The following TENM3 variants were observed in gnomAD, a reference collection of about 807,000 sequenced individuals.
TENM3 encodes the protein teneurin-3.
In TENM3, 63 loss-of-function variants were observed where a neutral mutation model predicts 255.1. That is an observed-to-expected ratio of 0.25 (90% CI 0.20 to 0.30). The LOEUF (loss-of-function observed/expected upper bound fraction) is 0.30, where lower values mean the gene tolerates loss of function less well. TENM3 is among the 10% of genes least tolerant of loss of function. TENM3 has a pLI of 1.00. For missense variants in TENM3, 2,929 were observed against 3,461.1 expected (o/e 0.85, Z 3.86); for synonymous variants, 1,306 against 1,322.3 (o/e 0.99, Z 0.27).
chr4:181,529,969 A>T, the TENM3 span, among the ~76,000 whole-genome samples: 1 of 152,212 alleles, frequency 6.6e-6, no homozygotes, highest in African/African-American at 2.4e-5. Context: ...AAGAGAAACT[A>T]AGTAAGAATA....
intron 3 of TENM3, among the ~76,000 whole-genome samples, chr4:182,587,251 C>T (rs1251775063): frequency 1.3e-5 from 2 of 152,010 alleles, no homozygotes; most frequent in East Asian, 3.9e-4. Context: ...CACATACCAC[C>T]ATGGCCCCAT....
At chr4:182,570,001 A>AT (rs1744199032) in intron 3 of TENM3, among the ~76,000 whole-genome samples, 1 of 152,194 alleles carries the variant, frequency 6.6e-6, no homozygotes. Context: ...GCTTCTTTTG[A>AT]TTTTAGTTTG....
At chr4:182,722,155 A>T (rs1479889850) in intron 13 of TENM3, among the ~76,000 whole-genome samples, 1 of 152,182 alleles carries the variant, frequency 6.6e-6, no homozygotes, top group Non-Finnish European at 1.5e-5. Context: ...ACAGGATTTC[A>T]TATAATTTCT....
At chr4:181,580,159 G>A in the TENM3 span, among the ~76,000 whole-genome samples, 2 of 151,800 alleles carry the variant, frequency 1.3e-5, no homozygotes, top group African/African-American at 2.4e-5. Context: ...CACCATGCCT[G>A]GCTAATTTTT....
At chr4:182,378,835 C>T (rs1465762318) in intron 3 of TENM3, among the ~76,000 whole-genome samples, 1 of 152,154 alleles carries the variant, frequency 6.6e-6, no homozygotes, top group African/African-American at 2.4e-5. Context: ...CATGATCCAA[C>T]TTGCCTAAGA....
chr4:182,705,963 A>G (rs1285300280), intron 12 of TENM3, among the ~76,000 whole-genome samples: 3 of 152,212 alleles, frequency 2.0e-5, no homozygotes, highest in African/African-American at 7.2e-5. Flanking sequence ...AGTTTATATA[A>G]GGTACTGTCA....
chr4:182,100,464 T>C, the TENM3 span, among the ~76,000 whole-genome samples: 7 of 75,378 alleles, frequency 9.3e-5, no homozygotes, highest in African/African-American at 3.5e-4. Flanking sequence ...TATATATATA[T>C]ATACACACAC....
At chr4:182,164,998 A>G (rs954375661) in intron 1 of TENM3, among the ~76,000 whole-genome samples, 2 of 152,138 alleles carry the variant, frequency 1.3e-5, no homozygotes, top group African/African-American at 4.8e-5. Context: ...ATCACCAGGG[A>G]GCTTGCAGAG....
the TENM3 span, among the ~76,000 whole-genome samples, chr4:182,135,700 G>A: frequency 6.6e-6 from 1 of 152,174 alleles, no homozygotes; most frequent in African/African-American, 2.4e-5. Flanking sequence ...TAAGAGTGGC[G>A]GTGGTATTGA....
chr4:182,388,886 TAGCC>T (rs1172601764), intron 3 of TENM3, among the ~76,000 whole-genome samples: 4 of 152,226 alleles, frequency 2.6e-5, no homozygotes, highest in African/African-American at 2.4e-5. Flanking sequence ...AGCAGACTGA[TAGCC>T]AGCACCAAGA....
chr4:181,625,852 T>A, the TENM3 span, among the ~76,000 whole-genome samples: 6 of 151,552 alleles, frequency 4.0e-5, no homozygotes, highest in East Asian at 3.9e-4. Flanking sequence ...AATAATAATA[T>A]TGTATATCTT....
chr4:182,164,787 T>C (rs1325009883), intron 1 of TENM3, among the ~76,000 whole-genome samples: 1 of 152,166 alleles, frequency 6.6e-6, no homozygotes, highest in Non-Finnish European at 1.5e-5. Flanking sequence ...TGAAAAAAAG[T>C]CCCAGGGTTC....
the TENM3 span, among the ~76,000 whole-genome samples, chr4:181,555,007 C>A: frequency 6.6e-6 from 1 of 152,036 alleles, no homozygotes; most frequent in African/African-American, 2.4e-5. Flanking sequence ...AGAATTTAAC[C>A]GGTAATAATT....
intron 13 of TENM3, among the ~76,000 whole-genome samples, chr4:182,716,724 C>T (rs985424780): frequency 6.6e-6 from 1 of 152,132 alleles, no homozygotes; most frequent in Middle Eastern, 3.2e-3. Flanking sequence ...TGAAGACAGT[C>T]GAACAGAATG....
the TENM3 span, among the ~76,000 whole-genome samples, chr4:182,123,576 C>A: frequency 2.0e-5 from 3 of 152,180 alleles, no homozygotes; most frequent in Non-Finnish European, 4.4e-5. Flanking sequence ...AGAACACACA[C>A]AACATTTATT....
At chr4:182,663,421 A>G (rs1754389195) in intron 6 of TENM3, among the ~76,000 whole-genome samples, 3 of 152,352 alleles carry the variant, frequency 2.0e-5, no homozygotes, top group African/African-American at 7.2e-5. Context: ...TAAATGTGTT[A>G]AACATGTTGA....
intron 3 of TENM3, among the ~76,000 whole-genome samples, chr4:182,599,558 A>G (rs1455225264): frequency 6.6e-6 from 1 of 152,184 alleles, no homozygotes; most frequent in African/African-American, 2.4e-5. Context: ...AACATGTAAT[A>G]TTACTGATGT....
chr4:182,088,666 C>T, the TENM3 span, among the ~76,000 whole-genome samples: 3 of 151,978 alleles, frequency 2.0e-5, no homozygotes, highest in African/African-American at 7.2e-5. Context: ...AACCCCATCT[C>T]TACTAAAAAT....
chr4:182,676,161 G>C (rs2152559566), intron 7 of TENM3, among the ~76,000 whole-genome samples: 1 of 152,316 alleles, frequency 6.6e-6, no homozygotes, highest in East Asian at 1.9e-4. Context: ...ATTCAGAATA[G>C]TTGCTTGAGC....
Sources: allele counts gnomAD v4.1 joint callset (sites outside exome capture counted in the v4.1 genomes callset), GRCh38; gene constraint gnomAD v4.1.1; transcripts MANE v1.5; gene names NCBI Gene and HGNC (gene_info 2026-07-23, HGNC 2026-07-21).